The following ANAPC1 variants were observed in gnomAD, a reference collection of about 807,000 sequenced individuals.
The protein encoded by ANAPC1 is anaphase promoting complex subunit 1, also known as anaphase-promoting complex subunit 1.
In ANAPC1, 36 loss-of-function variants were observed where a neutral mutation model predicts 208.0. The ratio of observed to expected loss-of-function variants is 0.17; its 90% CI spans 0.13 to 0.23. ANAPC1 has a LOEUF of 0.23. Ranked by LOEUF, ANAPC1 falls within the 10% of genes least tolerant of loss-of-function variation. ANAPC1 has a pLI of 1.00. For missense variants in ANAPC1, 942 were observed against 2,011.6 expected (o/e 0.47, Z 10.17); for synonymous variants, 378 against 695.2 (o/e 0.54, Z 7.18).
intron 40 of ANAPC1, 74 bp from the exon 41 acceptor site, chr2:111,784,474 G>T: frequency 6.4e-7 from 1 of 1,552,548 alleles, no homozygotes; most frequent in South Asian, 1.1e-5. Flanking sequence ...ACATCTCCAC[G>T]CTATACCTCC....
rs1449017050 is a variant in ANAPC1 at position 111,768,406 on chromosome 2, A to G, written c.*885T>C. ...TTAGTCTGCCTGGGCTGCCATAACA[A>G]AATACCACAGACTGGGTGGTTTCAA... On this transcript the variant is annotated 3_prime_UTR_variant, in exon 48 of 48. Coordinates refer to ENST00000341068, the MANE Select transcript of ANAPC1 (RefSeq NM_022662.4). 6.6e-6 allele frequency: 1 copy of G among 151,916 alleles called. No individual in the cohort carries two copies. Among genetic ancestry groups the G allele is most frequent in the African/African-American group, 2.4e-5 (1 of 41,110 alleles). 9.4% of individuals were successfully genotyped at this position (151,916 alleles called of 1,614,324 possible).
intron 21 of ANAPC1, among the ~76,000 whole-genome samples, chr2:111,827,817 G>C (rs1829150): frequency 1.3e-5 from 2 of 151,886 alleles, no homozygotes; most frequent in African/African-American, 4.8e-5. Flanking sequence ...AACCAAAAAC[G>C]TATCAACAAG....
chr2:111,832,963 T>G (rs940085410), intron 20 of ANAPC1, among the ~76,000 whole-genome samples: 1 of 76,210 alleles, frequency 1.3e-5, no homozygotes, highest in African/African-American at 3.8e-5. Context: ...AAAAGCATCC[T>G]TGACCCTGGA....
intron 13 of ANAPC1, 77 bp downstream of exon 13, chr2:111,856,537 T>G: frequency 7.2e-7 from 1 of 1,382,562 alleles, no homozygotes; most frequent in Non-Finnish European, 1.0e-6. Flanking sequence ...AAAATATCAA[T>G]CTAAAGTAAC....
intron 43 of ANAPC1, 145 bp downstream of exon 43, chr2:111,782,224 A>G: frequency 1.5e-6 from 1 of 648,942 alleles, no homozygotes; most frequent in Middle Eastern, 5.0e-4. Flanking sequence ...TTTATCACAT[A>G]AAAAGCAAAC....
intron 21 of ANAPC1, among the ~76,000 whole-genome samples, chr2:111,829,545 A>G (rs1017471515): frequency 5.1e-4 from 78 of 152,346 alleles, no homozygotes; most frequent in African/African-American, 1.5e-3. Context: ...GGACTGAGGA[A>G]CAGGTATGCC....
At chr2:111,865,780 C>G in intron 7 of ANAPC1, 1 of 167,682 alleles carries the variant, frequency 6.0e-6, no homozygotes, top group Non-Finnish European at 1.3e-5. Flanking sequence ...ACTCCTCCCT[C>G]CAGTCCGTGC....
In ANAPC1 at chr2:111,792,496, G is replaced by T; in HGVS notation, c.4578C>A (p.Val1526=). The change falls in exon 38 of 48, where the codon GTC becomes GTA. Residue 1526 remains valine, a synonymous_variant. Coordinates refer to ENST00000341068, the MANE Select transcript of ANAPC1 (RefSeq NM_022662.4). ...CCTTTAGGTTTCCTGAGCCAGCCAT[G>T]ACCATGGCGAGAGACAGCAGCACCA... ...LSVVLLSLAM[V]MAGSGNLKVL... The T allele has an allele frequency of 6.2e-7, 1 of 1,613,924 alleles. No homozygotes were observed. Among genetic ancestry groups the T allele is most frequent in the Non-Finnish European group, 8.5e-7 (1 of 1,179,872 alleles).
chr2:111,768,036 T>C lies in ANAPC1; in HGVS notation c.*1255A>G, dbSNP rs1676527502. ...ACATTTCTATTTGCTTTAATTTATT[T>C]TTAAAGTCAAACACCACAGTTCAGG... On this transcript the variant is annotated 3_prime_UTR_variant, in exon 48 of 48. Transcript: ENST00000341068. 6.6e-6 allele frequency: 1 copy of C among 152,134 alleles called. No individual in the cohort carries two copies. The highest frequency in any genetic ancestry group is 1.5e-5 in the Non-Finnish European group (1 of 68,030). The allele number at this position is 152,134 out of a possible 1,614,324, so 9.4% of individuals were successfully genotyped here.
At chr2:111,772,016 C>A (rs1676767334) in intron 47 of ANAPC1, among the ~76,000 whole-genome samples, 1 of 143,834 alleles carries the variant, frequency 7.0e-6, no homozygotes, top group African/African-American at 2.6e-5. Context: ...TCTAAAAAAC[C>A]CAACTGAAAA....
rs567883600 is a variant in ANAPC1, at chr2:111,865,223, C to T, written c.686-272G>A. Among the ~76,000 whole-genome samples, 1,084 of 150,860 alleles carry T rather than the reference C, an allele frequency of 7.2e-3. 9 individuals carry two copies. Among genetic ancestry groups the T allele is most frequent in the African/African-American group, 0.025 (1,038 of 40,804 alleles). On this transcript the variant is annotated intron_variant, in intron 7 of 47. Transcript: ENST00000341068. ...TGTTAAGATTTGTGCTGACTCTCAC[C>T]ATTACACGAATCAGCCACAGGTAAA...
chr2:111,837,533 T>G (rs549808439), intron 18 of ANAPC1, among the ~76,000 whole-genome samples: 27 of 151,470 alleles, frequency 1.8e-4, no homozygotes, highest in African/African-American at 6.5e-4. Context: ...GGCAGGAGAA[T>G]AGCTTCAACC....
intron 13 of ANAPC1, among the ~76,000 whole-genome samples, chr2:111,855,655 T>C (rs1469591289): frequency 6.6e-6 from 1 of 152,088 alleles, no homozygotes; most frequent in Non-Finnish European, 1.5e-5. Context: ...CAAGGAAAAC[T>C]AAATAATGCA....
intron 45 of ANAPC1, among the ~76,000 whole-genome samples, chr2:111,778,006 G>A (rs1321639868): frequency 7.2e-5 from 11 of 152,384 alleles, no homozygotes; most frequent in African/African-American, 2.6e-4. Flanking sequence ...AAGATACCAA[G>A]GCAAATTTCT....
intron 13 of ANAPC1, among the ~76,000 whole-genome samples, chr2:111,855,620 CT>C (rs1163080934): frequency 6.6e-6 from 1 of 152,082 alleles, no homozygotes; most frequent in African/African-American, 2.4e-5. Flanking sequence ...TACATGGTAT[CT>C]TTTTTTATAT....
chr2:111,868,414 C>T (rs1003580212), intron 6 of ANAPC1, among the ~76,000 whole-genome samples: 1 of 152,122 alleles, frequency 6.6e-6, no homozygotes, highest in African/African-American at 2.4e-5. Flanking sequence ...TTTTTATTGA[C>T]CTCTCTTACT....
At chr2:111,771,339 T>A (rs2104456935) in intron 47 of ANAPC1, among the ~76,000 whole-genome samples, 1 of 152,096 alleles carries the variant, frequency 6.6e-6, no homozygotes, top group South Asian at 2.1e-4. Flanking sequence ...AAAATATCAT[T>A]AAGTAACTCA....
chr2:111,855,597 T>C (rs1294338425), intron 13 of ANAPC1, among the ~76,000 whole-genome samples: 2 of 152,204 alleles, frequency 1.3e-5, no homozygotes, highest in Non-Finnish European at 2.9e-5. Context: ...AAAATAAGTA[T>C]ATCAGAGGCG....
At chr2:111,869,269 G>A (rs1233109743) in intron 6 of ANAPC1, among the ~76,000 whole-genome samples, 3 of 151,142 alleles carry the variant, frequency 2.0e-5, no homozygotes, top group South Asian at 4.2e-4. Context: ...TTTTTGACAC[G>A]GAGTTTTGCT....
Sources: gnomAD v4.1 joint callset for allele counts (sites outside exome capture counted in the v4.1 genomes callset) on GRCh38, gnomAD v4.1.1 for gene constraint, MANE v1.5 for transcripts, NCBI Gene and HGNC (gene_info 2026-07-23, HGNC 2026-07-21) for gene names.